The following ALX4 variants were observed in gnomAD, a reference collection of about 807,000 sequenced individuals.
ALX4 encodes homeobox protein aristaless-like 4.
A neutral mutation model predicts 40.6 loss-of-function variants in ALX4; 22 were observed. That is an observed-to-expected ratio of 0.54 (90% CI 0.39 to 0.77). The LOEUF is 0.77. ALX4 is among the 30% of genes least tolerant of loss of function. The pLI is 0.00. For synonymous variants in ALX4, 266 were observed against 240.5 expected (o/e 1.11, Z -0.98); for missense variants, 556 against 564.8 (o/e 0.98, Z 0.16).
Position 44,263,810 on chromosome 11 carries a change from T to C in ALX4, c.*1044A>G, listed in dbSNP as rs1956196181. On this transcript the variant is annotated 3_prime_UTR_variant, in exon 4 of 4. Coordinates refer to ENST00000652299, the MANE Select transcript of ALX4 (RefSeq NM_021926.4). ...AAGCTCTAGCTTATGTGTTCCGAAG[T>C]TGTGAGTCCTTCCATGCCGGGACAC... 1 of 152,298 alleles carries C rather than the reference T, an allele frequency of 6.6e-6. No homozygotes were observed. The allele number at this position is 152,298 out of a possible 1,614,324, so 9.4% of individuals were successfully genotyped here.
At position 44,261,335 on chromosome 11, in the gene ALX4, C is replaced by A. The variant is rs1956180747; in HGVS notation, c.*3519G>T. Reference sequence around the variant, plus strand: ...TCCCTCGTCTGCCCAGCCGAAATGACAGGAGATGGGGCACGGAGCTGGGTC... The same window carrying A: ...TCCCTCGTCTGCCCAGCCGAAATGAAAGGAGATGGGGCACGGAGCTGGGTC... On this transcript the variant is annotated 3_prime_UTR_variant, in exon 4 of 4. Transcript: ENST00000652299. 6.6e-6 allele frequency: 1 copy of A among 152,154 alleles called. No homozygotes were observed. The highest frequency in any genetic ancestry group is 1.5e-5 in the Non-Finnish European group (1 of 68,066). The allele number at this position is 152,154 out of a possible 1,614,324, so 9.4% of individuals were successfully genotyped here.
chr11:44,279,842 C>T (rs1205789390), intron 1 of ALX4, among the ~76,000 whole-genome samples: 3 of 152,244 alleles, frequency 2.0e-5, no homozygotes, highest in Admixed American at 6.5e-5. Context: ...GCTGGGACCT[C>T]ATGCCGTTTG....
intron 1 of ALX4, among the ~76,000 whole-genome samples, chr11:44,282,208 C>T (rs1443428778): frequency 6.6e-6 from 1 of 152,186 alleles, no homozygotes; most frequent in African/African-American, 2.4e-5. Flanking sequence ...CTAGCAGACA[C>T]TTCACCCAAG....
At chr11:44,276,047 A>G (rs1956276130) in intron 1 of ALX4, among the ~76,000 whole-genome samples, 1 of 152,120 alleles carries the variant, frequency 6.6e-6, no homozygotes, top group Non-Finnish European at 1.5e-5. Flanking sequence ...CCCCAGTGCC[A>G]TGGCCTCCCT....
intron 2 of ALX4, among the ~76,000 whole-genome samples, chr11:44,273,584 T>G (rs1271263663): frequency 6.6e-6 from 1 of 152,192 alleles, no homozygotes; most frequent in Non-Finnish European, 1.5e-5. Flanking sequence ...GTGCTTGATC[T>G]CAAGGAAATC....
intron 2 of ALX4, among the ~76,000 whole-genome samples, chr11:44,272,232 G>A (rs1026411640): frequency 1.3e-5 from 2 of 151,732 alleles, no homozygotes; most frequent in Admixed American, 6.6e-5. Flanking sequence ...CTTGCCAGGT[G>A]CAGTGGCTCA....
chr11:44,264,817 T>C lies in ALX4; in HGVS notation c.*37A>G. 6.2e-7 allele frequency: 1 copy of C among 1,604,826 alleles called. No individual in the cohort carries two copies. The highest frequency in any genetic ancestry group is 1.1e-5 in the South Asian group (1 of 90,776). On this transcript the variant is annotated 3_prime_UTR_variant, in exon 4 of 4. Transcript: ENST00000652299. ...GCCTGGAAAACATGGGCGTGGCCCA[T>C]GGTGTCCCGAGGTGGGGACGGGGCA...
chr11:44,298,311 C>T (rs1956415285), intron 1 of ALX4, among the ~76,000 whole-genome samples: 1 of 152,178 alleles, frequency 6.6e-6, no homozygotes, highest in Non-Finnish European at 1.5e-5. Context: ...TGGACGGAAT[C>T]ATGGGTGTGC....
intron 2 of ALX4, among the ~76,000 whole-genome samples, chr11:44,268,361 C>T (rs780976006): frequency 6.6e-6 from 1 of 152,190 alleles, no homozygotes; most frequent in African/African-American, 2.4e-5. Context: ...AGAGTCAGAT[C>T]GCAGGGGGCC....
rs1348552475 is a variant in ALX4 at position 44,261,198 on chromosome 11, A to G, written c.*3656T>C. 1 of 152,258 alleles carries G rather than the reference A, an allele frequency of 6.6e-6. No homozygotes were observed. Among genetic ancestry groups the G allele is most frequent in the Non-Finnish European group, 1.5e-5 (1 of 68,082 alleles). The allele number at this position is 152,258 out of a possible 1,614,324, so 9.4% of individuals were successfully genotyped here. A position where few individuals can be genotyped will look rare whatever the true frequency, so the allele number is the denominator to read the frequency against. ...TTTGCACTGGACAGTAAGGGCCATG[A>G]AACAGACCAGGAACCCCCGCGTGTC... On this transcript the variant is annotated 3_prime_UTR_variant, in exon 4 of 4. Transcript: ENST00000652299.
chr11:44,302,680 T>A (rs1046539553), intron 1 of ALX4, among the ~76,000 whole-genome samples: 1 of 152,128 alleles, frequency 6.6e-6, no homozygotes, highest in South Asian at 2.1e-4. Context: ...ACCCCCTCCC[T>A]ATTTGCATCC....
Position 44,309,809 on chromosome 11 carries a change from C to G in ALX4, c.254G>C (p.Gly85Ala). 2 of 1,551,638 alleles carry G rather than the reference C, an allele frequency of 1.3e-6. No individual in the cohort carries two copies. Among genetic ancestry groups the G allele is most frequent in the Non-Finnish European group, 1.7e-6 (2 of 1,147,494 alleles). The change falls in exon 1 of 4, where the codon GGC becomes GCC. Residue 85 changes from glycine to alanine, a missense_variant. Gly to Ala is a moderately conservative substitution (Grantham distance 60). Coordinates refer to ENST00000652299, the MANE Select transcript of ALX4 (RefSeq NM_021926.4). ...CTGGGGCTGGAACTTGTTAAAGGAG[C>G]CCCGCGCCCCAGCTCCACTCTCCAG... ...TPLESGAGAR[G>A]SFNKFQPQPS...
At chr11:44,266,393 A>G (rs1316332061) in intron 3 of ALX4, among the ~76,000 whole-genome samples, 2 of 152,040 alleles carry the variant, frequency 1.3e-5, no homozygotes, top group Non-Finnish European at 2.9e-5. Flanking sequence ...ATGGAAGAAC[A>G]TAGTGCGAGC....
At chr11:44,307,931 G>A (rs1163866888) in intron 1 of ALX4, among the ~76,000 whole-genome samples, 1 of 151,654 alleles carries the variant, frequency 6.6e-6, no homozygotes, top group Non-Finnish European at 1.5e-5. Context: ...TGGAGCAGTG[G>A]GTGTCTGTGT....
chr11:44,303,021 G>A (rs1022158597), intron 1 of ALX4, among the ~76,000 whole-genome samples: 4 of 146,610 alleles, frequency 2.7e-5, no homozygotes, highest in African/African-American at 7.6e-5. Flanking sequence ...AGAATGCAAA[G>A]GTGGAGGCTG....
intron 2 of ALX4, 140 bp downstream of exon 2, chr11:44,275,208 C>T (rs1257364858): frequency 1.2e-5 from 10 of 858,404 alleles, no homozygotes; most frequent in Non-Finnish European, 1.9e-5. Context: ...GCTAGGAGCC[C>T]CCACTTTCAG....
chr11:44,309,236 G>GCCCCGCAGCCCCGC (rs1590707539), intron 1 of ALX4, among the ~76,000 whole-genome samples: 1 of 50,700 alleles, frequency 2.0e-5, no homozygotes, highest in East Asian at 8.1e-4. Flanking sequence ...CCCAGCGCCA[G>GCCCCGCAGCCCCGC]AGCGCTGCGC....
intron 1 of ALX4, among the ~76,000 whole-genome samples, chr11:44,279,530 A>T (rs1956296641): frequency 6.7e-6 from 1 of 149,570 alleles, no homozygotes; most frequent in South Asian, 2.1e-4. Flanking sequence ...GACTCCCCGC[A>T]AGGTGCCCTC....
intron 1 of ALX4, among the ~76,000 whole-genome samples, chr11:44,281,355 G>A (rs1956308973): frequency 6.6e-6 from 1 of 152,112 alleles, no homozygotes; most frequent in Admixed American, 6.5e-5. Context: ...GTGGGCAGTT[G>A]TGTGTGGGTG....
Sources: allele counts gnomAD v4.1 joint callset (sites outside exome capture counted in the v4.1 genomes callset), GRCh38; gene constraint gnomAD v4.1.1; transcripts MANE v1.5; gene names NCBI Gene and HGNC (gene_info 2026-07-23, HGNC 2026-07-21).